The following XKR4 variants were observed in gnomAD, a reference collection of about 807,000 sequenced individuals.
XKR4 encodes the protein XK-related protein 4.
In XKR4, 12 loss-of-function variants were observed where a neutral mutation model predicts 53.9. That is an observed-to-expected ratio of 0.22 (90% CI 0.14 to 0.36). XKR4 has a LOEUF of 0.36. Ranked by LOEUF, XKR4 falls within the 10% of genes least tolerant of loss-of-function variation. The pLI is 1.00. For synonymous variants in XKR4, 354 were observed against 362.4 expected (o/e 0.98, Z 0.26); for missense variants, 799 against 859.5 (o/e 0.93, Z 0.88).
At chr8:55,360,220 T>A (rs937928984) in intron 2 of XKR4, among the ~76,000 whole-genome samples, 9 of 152,150 alleles carry the variant, frequency 5.9e-5, no homozygotes, top group African/African-American at 2.2e-4. Flanking sequence ...AGTGAAAATA[T>A]CTGACAGTAA....
intron 1 of XKR4, among the ~76,000 whole-genome samples, chr8:55,134,197 C>T (rs1011925): frequency 0.51 from 77,594 of 152,068 alleles, 21,314 homozygotes; most frequent in South Asian, 0.7. Context: ...TGAGCTCACC[C>T]GAAATTCTAG....
At chr8:55,455,618 G>A (rs929702914) in intron 2 of XKR4, among the ~76,000 whole-genome samples, 2 of 152,294 alleles carry the variant, frequency 1.3e-5, no homozygotes, top group East Asian at 1.9e-4. Flanking sequence ...GTTACAAGTG[G>A]TAGACCAATA....
intron 1 of XKR4, among the ~76,000 whole-genome samples, chr8:55,280,162 G>A (rs906797177): frequency 4.7e-4 from 71 of 152,128 alleles, no homozygotes; most frequent in African/African-American, 1.6e-3. Flanking sequence ...ACAGAAAAGC[G>A]TTCCAATATC....
At chr8:55,143,397 A>G (rs1465660374) in intron 1 of XKR4, among the ~76,000 whole-genome samples, 7 of 152,164 alleles carry the variant, frequency 4.6e-5, no homozygotes, top group Admixed American at 4.6e-4. Flanking sequence ...ATCTGATAAA[A>G]TTTTGATTTT....
intron 1 of XKR4, among the ~76,000 whole-genome samples, chr8:55,213,685 G>A (rs916094466): frequency 6.6e-6 from 1 of 152,096 alleles, no homozygotes; most frequent in South Asian, 2.1e-4. Context: ...TTCCTCCCAA[G>A]GTAGTTCAGC....
chr8:55,472,502 G>A (rs921880228), intron 2 of XKR4, among the ~76,000 whole-genome samples: 3 of 152,204 alleles, frequency 2.0e-5, no homozygotes, highest in East Asian at 1.9e-4. Context: ...TGTACAGAGG[G>A]AAACGAGACC....
chr8:55,368,728 G>A (rs1415349921), intron 2 of XKR4, among the ~76,000 whole-genome samples: 2 of 152,138 alleles, frequency 1.3e-5, no homozygotes, highest in Non-Finnish European at 2.9e-5. Context: ...ATAGGAAAAG[G>A]CCTATAACAT....
intron 1 of XKR4, among the ~76,000 whole-genome samples, chr8:55,106,992 A>G (rs772987584): frequency 1.3e-5 from 2 of 152,186 alleles, no homozygotes; most frequent in Non-Finnish European, 2.9e-5. Context: ...AGAGCCTTTT[A>G]TAAGCTAAGG....
intron 1 of XKR4, among the ~76,000 whole-genome samples, chr8:55,245,662 CA>C (rs746586805): frequency 1.3e-5 from 2 of 152,142 alleles, no homozygotes; most frequent in Non-Finnish European, 2.9e-5. Flanking sequence ...CCTGCTGCTC[CA>C]AGAGTCTCCC....
In XKR4 at chr8:55,323,992, T is replaced by A. The variant is rs553196716; in HGVS notation, c.807-33686T>A. ...TCCTCTGCTAGGAATGTCAACCTTT[T>A]CATTTACTTAAATGTGTTTGCCTTT... On this transcript the variant is annotated intron_variant, in intron 1 of 2. Transcript: ENST00000327381. 1.2e-3 allele frequency among the ~76,000 whole-genome samples: 189 copies of A among 152,356 alleles called. 4 individuals carry two copies. The highest frequency in any genetic ancestry group is 3.5e-3 in the African/African-American group (145 of 41,584).
At chr8:55,126,002 C>CT (rs766594900) in intron 1 of XKR4, among the ~76,000 whole-genome samples, 71 of 151,994 alleles carry the variant, frequency 4.7e-4, no homozygotes, top group Non-Finnish European at 9.0e-4. Flanking sequence ...TTTTGTATTC[C>CT]TTTTTTTTAT....
chr8:55,397,585 GT>G (rs11405803), intron 2 of XKR4, among the ~76,000 whole-genome samples: 28 of 148,188 alleles, frequency 1.9e-4, no homozygotes, highest in Non-Finnish European at 2.4e-4. Context: ...GAAGTTCAAT[GT>G]TTTTTTTTTT....
intron 1 of XKR4, among the ~76,000 whole-genome samples, chr8:55,241,711 A>G (rs1263531209): frequency 6.6e-6 from 1 of 152,216 alleles, no homozygotes; most frequent in Non-Finnish European, 1.5e-5. Flanking sequence ...GGCTTAAGGA[A>G]TGTGATGTGA....
At chr8:55,351,203 TC>T (rs1194000536) in intron 1 of XKR4, among the ~76,000 whole-genome samples, 1 of 152,134 alleles carries the variant, frequency 6.6e-6, no homozygotes, top group Non-Finnish European at 1.5e-5. Flanking sequence ...ACAAAAAAAC[TC>T]CCCATTCAGG....
chr8:55,522,951 G>C (rs750398771), intron 2 of XKR4, among the ~76,000 whole-genome samples: 1 of 151,940 alleles, frequency 6.6e-6, no homozygotes, highest in Non-Finnish European at 1.5e-5. Flanking sequence ...GAAAATCCTG[G>C]CTTACATGGT....
chr8:55,198,340 A>G lies in XKR4; in HGVS notation c.806+95046A>G, dbSNP rs572409561. ...CTAAAACATACCTTCCTGAATGTCA[A>G]TAGCCTTTTTTATGGAATATGGTAT... On this transcript the variant is annotated intron_variant, in intron 1 of 2. Transcript: ENST00000327381. Among the ~76,000 whole-genome samples the G allele has an allele frequency of 9.2e-5, 14 of 152,322 alleles. No individual in the cohort carries two copies. In the South Asian group the frequency reaches 2.7e-3, roughly 29 times the overall value.
At chr8:55,504,257 G>GCACT (rs1444765330) in intron 2 of XKR4, among the ~76,000 whole-genome samples, 1 of 151,840 alleles carries the variant, frequency 6.6e-6, no homozygotes, top group African/African-American at 2.4e-5. Context: ...CTGTCGCCCA[G>GCACT]GCTGGAGTGC....
chr8:55,464,544 G>A (rs1343317955), intron 2 of XKR4, among the ~76,000 whole-genome samples: 1 of 152,078 alleles, frequency 6.6e-6, no homozygotes, highest in Non-Finnish European at 1.5e-5. Context: ...AAAACTGGAA[G>A]CATTGAAACT....
chr8:55,444,036 T>G lies in XKR4; in HGVS notation c.1007-79245T>G, dbSNP rs572635114. Among the ~76,000 whole-genome samples the G allele has an allele frequency of 2.3e-3, 352 of 152,034 alleles. 4 individuals are homozygous for G. Among genetic ancestry groups the G allele is most frequent in the African/African-American group, 7.9e-3 (328 of 41,476 alleles). ...AAATATGAAAATTAGCCAGGCATAA[T>G]GGCACACACCTGTAGTACCAGCTAC... is the stretch of plus-strand genomic sequence containing the variant. On this transcript the variant is annotated intron_variant, in intron 2 of 2. Transcript: ENST00000327381.
Sources: gnomAD v4.1 joint callset for allele counts (sites outside exome capture counted in the v4.1 genomes callset) on GRCh38, gnomAD v4.1.1 for gene constraint, MANE v1.5 for transcripts, NCBI Gene and HGNC (gene_info 2026-07-23, HGNC 2026-07-21) for gene names.